The following CTDSPL variants were observed in gnomAD, a reference collection of about 807,000 sequenced individuals.
CTDSPL encodes CTD small phosphatase like.
Under a neutral mutation model 30.5 loss-of-function variants are expected in CTDSPL, and 8 were observed. The observed-to-expected ratio is 0.26, with a 90% CI of 0.15 to 0.47. The LOEUF (loss-of-function observed/expected upper bound fraction) is 0.47, where lower values mean the gene tolerates loss of function less well. Among genes scored for constraint, CTDSPL ranks in the 20% least tolerant of loss-of-function variants. CTDSPL has a pLI of 0.99. For synonymous variants in CTDSPL, 110 were observed against 137.9 expected, an observed-to-expected ratio of 0.80 and a Z score of 1.42; for missense variants, 248 against 366.1, an observed-to-expected ratio of 0.68 and a Z score of 2.63.
At chr3:37,881,500 G>A (rs1479229174) in intron 1 of CTDSPL, among the ~76,000 whole-genome samples, 5 of 152,284 alleles carry the variant, frequency 3.3e-5, no homozygotes, top group Admixed American at 1.3e-4. Flanking sequence ...CTGCACTCCA[G>A]CCTGGATGAC....
intron 7 of CTDSPL, among the ~76,000 whole-genome samples, chr3:37,979,265 C>G (rs1018422223): frequency 1.3e-5 from 2 of 151,008 alleles, no homozygotes; most frequent in African/African-American, 4.9e-5. Flanking sequence ...GAGTTTGAAA[C>G]CAGCCTGGAC....
chr3:37,879,819 G>A (rs1470400231), intron 1 of CTDSPL, among the ~76,000 whole-genome samples: 1 of 152,048 alleles, frequency 6.6e-6, no homozygotes, highest in Admixed American at 6.6e-5. Flanking sequence ...TCATGGTAGT[G>A]AATACCTTAT....
rs143353493 is a variant in CTDSPL, at chr3:37,885,001, C to T, written c.79+22723C>T. On this transcript the variant is annotated intron_variant, in intron 1 of 7. Coordinates refer to ENST00000273179, the MANE Select transcript of CTDSPL (RefSeq NM_001008392.2). ...AGAGGCCTTACTGGAACTATAAGCCCGCATTTTTAGGGAGCCCAACAGAGC... is the reference window on the plus strand; with the variant it reads ...AGAGGCCTTACTGGAACTATAAGCCTGCATTTTTAGGGAGCCCAACAGAGC... Among the ~76,000 whole-genome samples, 474 of 152,068 alleles carry T rather than the reference C, an allele frequency of 3.1e-3. 2 individuals carry two copies. The highest frequency in any genetic ancestry group is 0.014 in the Middle Eastern group (4 of 292).
chr3:37,914,803 G>A (rs1698625034), intron 1 of CTDSPL, among the ~76,000 whole-genome samples: 1 of 149,990 alleles, frequency 6.7e-6, no homozygotes. Context: ...GGTTAGACTT[G>A]CAAAATGAGT....
At chr3:37,907,516 G>A (rs1007660985) in intron 1 of CTDSPL, among the ~76,000 whole-genome samples, 2 of 152,148 alleles carry the variant, frequency 1.3e-5, no homozygotes, top group Admixed American at 1.3e-4. Context: ...TGCATATAGA[G>A]CACATGTGCA....
chr3:37,957,428 C>T (rs1699186887), intron 3 of CTDSPL, among the ~76,000 whole-genome samples: 1 of 152,160 alleles, frequency 6.6e-6, no homozygotes, highest in Non-Finnish European at 1.5e-5. Context: ...CCAAGCTGAA[C>T]AAGCTGAGGT....
chr3:37,930,462 T>G (rs2125614935), intron 1 of CTDSPL, among the ~76,000 whole-genome samples: 1 of 152,084 alleles, frequency 6.6e-6, no homozygotes, highest in East Asian at 1.9e-4. Context: ...TTATTATGAT[T>G]ATTATTACTA....
chr3:37,882,441 CAA>C (rs35235848), intron 1 of CTDSPL, among the ~76,000 whole-genome samples: 17 of 120,892 alleles, frequency 1.4e-4, no homozygotes, highest in Admixed American at 1.7e-4. Flanking sequence ...GACTCTAACT[CAA>C]AAAAAAAAAA....
chr3:37,952,756 G>A (rs188240089), intron 2 of CTDSPL, among the ~76,000 whole-genome samples: 1 of 152,308 alleles, frequency 6.6e-6, no homozygotes, highest in Admixed American at 6.5e-5. Flanking sequence ...GCATATTCCT[G>A]CTCTCAACAA....
chr3:37,880,169 A>G (rs602453), intron 1 of CTDSPL, among the ~76,000 whole-genome samples: 1 of 150,260 alleles, frequency 6.7e-6, no homozygotes, highest in Admixed American at 6.6e-5. Context: ...TCATCTTCCA[A>G]AAGCCTTAAG....
chr3:37,882,838 GT>G (rs779488618), intron 1 of CTDSPL, among the ~76,000 whole-genome samples: 67 of 152,314 alleles, frequency 4.4e-4, no homozygotes, highest in Non-Finnish European at 8.2e-4. Context: ...CTCAGTGACA[GT>G]TCAGGCTGTG....
At position 37,947,177 on chromosome 3, in the gene CTDSPL, C is replaced by T. The variant is rs759607059; in HGVS notation, c.200C>T (p.Pro67Leu). The T allele has an allele frequency of 1.1e-5, 17 of 1,612,468 alleles. No individual in the cohort carries two copies. The highest frequency in any genetic ancestry group is 1.7e-5 in the Admixed American group (1 of 59,982). Residue 67 changes from proline (P) to leucine (L), a missense_variant, in exon 2 of 8, where the codon CCG becomes CTG. By Grantham distance (98) the Pro-to-Leu change is moderately conservative (BLOSUM62 -3). Coordinates refer to ENST00000273179, the MANE Select transcript of CTDSPL (RefSeq NM_001008392.2). ...APPPSSPSVL[P>L]PLVEENGGLQ... ...CCACCCAGCAGCCCCAGTGTGCTTCCGCCACTGGTGGAGGAGAATGGTGGG... is the reference window on the plus strand; with the variant it reads ...CCACCCAGCAGCCCCAGTGTGCTTCTGCCACTGGTGGAGGAGAATGGTGGG...
At chr3:37,930,549 A>G (rs1408421103) in intron 1 of CTDSPL, among the ~76,000 whole-genome samples, 3 of 152,134 alleles carry the variant, frequency 2.0e-5, no homozygotes, top group Non-Finnish European at 4.4e-5. Context: ...GCCTCAAGCA[A>G]TCCTCTCACT....
At chr3:37,921,607 C>CCACA (rs58395906) in intron 1 of CTDSPL, among the ~76,000 whole-genome samples, 17,416 of 147,638 alleles carry the variant, frequency 0.12, 1,069 homozygotes, top group Middle Eastern at 0.17. Flanking sequence ...ACCCTAACTA[C>CCACA]CACACACACA....
At chr3:37,924,298 C>T (rs1698755347) in intron 1 of CTDSPL, among the ~76,000 whole-genome samples, 1 of 149,046 alleles carries the variant, frequency 6.7e-6, no homozygotes, top group South Asian at 2.1e-4. Flanking sequence ...GGTTACTGTC[C>T]CACAATTGGA....
chr3:37,917,294 C>G (rs1299970247), intron 1 of CTDSPL, among the ~76,000 whole-genome samples: 1 of 152,148 alleles, frequency 6.6e-6, no homozygotes, highest in East Asian at 1.9e-4. Context: ...CATGTTCACA[C>G]GTACATGTTT....
chr3:37,904,642 G>T (rs911653004), intron 1 of CTDSPL, among the ~76,000 whole-genome samples: 1 of 152,140 alleles, frequency 6.6e-6, no homozygotes, highest in African/African-American at 2.4e-5. Flanking sequence ...CAGAGCCTTG[G>T]TGTTCAGCCT....
chr3:37,900,445 T>C (rs1007597890), intron 1 of CTDSPL, among the ~76,000 whole-genome samples: 1 of 152,162 alleles, frequency 6.6e-6, no homozygotes, highest in East Asian at 1.9e-4. Flanking sequence ...GTGAAGAAAA[T>C]GTTTGGCTTC....
intron 1 of CTDSPL, among the ~76,000 whole-genome samples, chr3:37,927,678 GTA>G (rs751123637): frequency 0.01 from 1,025 of 102,008 alleles, 11 homozygotes; most frequent in East Asian, 0.022. Context: ...GTGTGTGTGT[GTA>G]TGTGTATATA....
Sources: gnomAD v4.1 joint callset for allele counts (sites outside exome capture counted in the v4.1 genomes callset) on GRCh38, gnomAD v4.1.1 for gene constraint, MANE v1.5 for transcripts, NCBI Gene and HGNC (gene_info 2026-07-23, HGNC 2026-07-21) for gene names.